The following NSF variants were observed in gnomAD, a reference collection of about 807,000 sequenced individuals.
NSF encodes vesicle-fusing ATPase.
In NSF, 14 loss-of-function variants were observed where a neutral mutation model predicts 50.3. The observed-to-expected ratio is 0.28, with a 90% CI of 0.18 to 0.44. The LOEUF (loss-of-function observed/expected upper bound fraction) is 0.44, where lower values mean the gene tolerates loss of function less well. Ranked by LOEUF, NSF falls within the 20% of genes least tolerant of loss-of-function variation. NSF has a pLI of 1.00. For missense variants in NSF, 218 were observed against 504.3 expected (o/e 0.43, Z 5.44); for synonymous variants, 109 against 175.7 (o/e 0.62, Z 3.00).
At chr17:46,718,704 A>G (rs1200144579) in intron 15 of NSF, among the ~76,000 whole-genome samples, 1 of 152,166 alleles carries the variant, frequency 6.6e-6, no homozygotes, top group East Asian at 1.9e-4. Flanking sequence ...CATTTAACCT[A>G]TAAGCCACTG....
At chr17:46,747,944 G>A (rs2146334668) in intron 17 of NSF, among the ~76,000 whole-genome samples, 1 of 152,216 alleles carries the variant, frequency 6.6e-6, no homozygotes, top group East Asian at 1.9e-4. Flanking sequence ...ACCATCTTAG[G>A]ATATGTAGTT....
rs577444697 is a variant in NSF, at chr17:46,755,984, T to C, written c.*161T>C. The C allele has an allele frequency of 6.1e-6, 4 of 652,826 alleles. No homozygotes were observed. The highest frequency in any genetic ancestry group is 5.5e-5 in the African/African-American group (3 of 54,588). 40.4% of individuals were successfully genotyped at this position (652,826 alleles called of 1,614,324 possible). On this transcript the variant is annotated 3_prime_UTR_variant, in exon 21 of 21. Transcript: ENST00000398238. ...ATTAGTGCAATAAAACTCCCTTCCT[T>C]ATGCATACTGAGATAGCTTAGTGTC...
chr17:46,751,070 G>T lies in NSF; in HGVS notation c.2044-433G>T, dbSNP rs150685205. 1.1e-3 allele frequency among the ~76,000 whole-genome samples: 164 copies of T among 152,140 alleles called. 1 individual carries two copies. In the Middle Eastern group the frequency reaches 0.014, roughly 13 times the overall value. ...AGTAAAGCTTCTTAAAGTCCTCAAG[G>T]CCCCCAACAAAATTGAAATTTATCT... On this transcript the variant is annotated intron_variant, in intron 18 of 20. Transcript: ENST00000398238.
intron 19 of NSF, among the ~76,000 whole-genome samples, chr17:46,753,379 A>AT (rs2059202576): frequency 6.6e-6 from 1 of 152,194 alleles, no homozygotes; most frequent in African/African-American, 2.4e-5. Flanking sequence ...TGAAAATAAA[A>AT]TTTTTTTGAC....
chr17:46,747,333 T>G (rs1397083687), intron 17 of NSF, among the ~76,000 whole-genome samples: 1 of 152,128 alleles, frequency 6.6e-6, no homozygotes, highest in African/African-American at 2.4e-5. Flanking sequence ...CAGGCAGGAG[T>G]GCAGTGGTGC....
chr17:46,721,665 G>A (rs928518576), intron 15 of NSF: 4 of 1,602,120 alleles, frequency 2.5e-6, no homozygotes, highest in South Asian at 2.2e-5. Context: ...TCAACCTTGT[G>A]TTCCACATTG....
chr17:46,726,738 T>C, intron 16 of NSF, 123 bp downstream of exon 16: 1 of 869,598 alleles, frequency 1.1e-6, no homozygotes, highest in Admixed American at 1.8e-5. Context: ...TTTCTTTGTC[T>C]TACAAGGAAA....
At chr17:46,740,661 T>C (rs1490918301) in intron 17 of NSF, among the ~76,000 whole-genome samples, 1 of 151,394 alleles carries the variant, frequency 6.6e-6, no homozygotes, top group African/African-American at 2.4e-5. Context: ...TTTATCTTTT[T>C]CTTTTTTTTT....
intron 17 of NSF, among the ~76,000 whole-genome samples, chr17:46,733,100 C>G (rs1266582293): frequency 6.6e-6 from 1 of 152,200 alleles, no homozygotes. Flanking sequence ...CAGTGAGAGG[C>G]TTGAAGACAC....
chr17:46,746,971 A>G (rs1298012422), intron 17 of NSF, among the ~76,000 whole-genome samples: 1 of 152,250 alleles, frequency 6.6e-6, no homozygotes, highest in African/African-American at 2.4e-5. Flanking sequence ...TGTTGACTCC[A>G]GTATGCTGGC....
In NSF at chr17:46,675,762, G is replaced by A. The variant is rs928276596; in HGVS notation, c.945+1149G>A. ...TTAAGAACAATGCCATGAGATTTCT[G>A]GTTCTAGCAATACAGTAGACTAGGT... On this transcript the variant is annotated intron_variant, in intron 9 of 20. Transcript: ENST00000398238. 2.2e-4 allele frequency among the ~76,000 whole-genome samples: 26 copies of A among 115,764 alleles called. 3 individuals are homozygous for A. Among genetic ancestry groups the A allele is most frequent in the African/African-American group, 9.8e-4 (26 of 26,468 alleles). The allele number at this position is 115,764 out of a possible 152,430, so 75.9% of individuals were successfully genotyped here.
intron 17 of NSF, among the ~76,000 whole-genome samples, chr17:46,747,711 C>G (rs755039710): frequency 6.6e-6 from 1 of 151,948 alleles, no homozygotes; most frequent in African/African-American, 2.4e-5. Flanking sequence ...TGATACTAAC[C>G]TGAAAAGTAT....
intron 9 of NSF, among the ~76,000 whole-genome samples, chr17:46,685,356 CA>C (rs1320914415): frequency 6.0e-5 from 9 of 150,998 alleles, no homozygotes; most frequent in Non-Finnish European, 8.9e-5. Context: ...ATACCTTTCT[CA>C]CATCCAGAAA....
chr17:46,753,533 G>A (rs1326555289), intron 19 of NSF, among the ~76,000 whole-genome samples: 1 of 151,884 alleles, frequency 6.6e-6, no homozygotes, highest in African/African-American at 2.4e-5. Flanking sequence ...GCAAATACAG[G>A]TGTATTGGCT....
chr17:46,726,585 G>A lies in NSF; in HGVS notation c.1798G>A (p.Val600Met). 1 of 1,614,006 alleles carries A rather than the reference G, an allele frequency of 6.2e-7. No homozygotes were observed. Among genetic ancestry groups the A allele is most frequent in the Non-Finnish European group, 8.5e-7 (1 of 1,179,904 alleles). ...TGCGTACAAATCCCAGCTCAGTTGT[G>A]TGGTTGTGGATGACATTGAGAGATT... ...DDAYKSQLSC[V>M]VVDDIERLLD... The change falls in exon 16 of 21, where the codon GTG (valine) becomes ATG (methionine). Residue 600 changes from valine (V) to methionine (M), a missense_variant. Val to Met is a conservative substitution (Grantham distance 21). Coordinates refer to ENST00000398238, the MANE Select transcript of NSF (RefSeq NM_006178.4).
At chr17:46,679,881 G>T (rs900122106) in intron 9 of NSF, among the ~76,000 whole-genome samples, 1 of 149,866 alleles carries the variant, frequency 6.7e-6, no homozygotes, top group South Asian at 2.1e-4. Flanking sequence ...ATAATAAAAA[G>T]GTAATTTTAA....
chr17:46,756,012 G>A lies in NSF; in HGVS notation c.*189G>A, dbSNP rs200998481. 4 of 575,496 alleles carry A rather than the reference G, an allele frequency of 7.0e-6. No individual in the cohort carries two copies. The highest frequency in any genetic ancestry group is 2.9e-5 in the East Asian group (1 of 34,404). The allele number at this position is 575,496 out of a possible 1,614,324, so 35.6% of individuals were successfully genotyped here. On this transcript the variant is annotated 3_prime_UTR_variant, in exon 21 of 21. Transcript: ENST00000398238. ...GCATACTGAGATAGCTTAGTGTCTCGTGGAAGGTGTCAATTTGGTTTAGAA... is the reference window on the plus strand; with the variant it reads ...GCATACTGAGATAGCTTAGTGTCTCATGGAAGGTGTCAATTTGGTTTAGAA...
At chr17:46,751,177 A>G (rs956877630) in intron 18 of NSF, among the ~76,000 whole-genome samples, 1 of 152,216 alleles carries the variant, frequency 6.6e-6, no homozygotes, top group African/African-American at 2.4e-5. Context: ...GTTTGCTTTG[A>G]CACATACAGA....
chr17:46,713,182 T>C (rs1220525840), intron 14 of NSF: 1 of 152,262 alleles, frequency 6.6e-6, no homozygotes, highest in Non-Finnish European at 1.5e-5. Context: ...GACTAGAACA[T>C]GCTAAAACAC....
Sources: gnomAD v4.1 joint callset for allele counts (sites outside exome capture counted in the v4.1 genomes callset) on GRCh38, gnomAD v4.1.1 for gene constraint, MANE v1.5 for transcripts, NCBI Gene and HGNC (gene_info 2026-07-23, HGNC 2026-07-21) for gene names.